CEP68: variants seen among roughly 807,000 people sequenced by gnomAD.
The protein encoded by CEP68 is centrosomal protein of 68 kDa.
Under a neutral mutation model 55.3 loss-of-function variants are expected in CEP68, and 26 were observed. The observed-to-expected ratio is 0.47, with a 90% CI of 0.34 to 0.65. CEP68 has a LOEUF of 0.65. Ranked by LOEUF, CEP68 falls within the 30% of genes least tolerant of loss-of-function variation. CEP68 has a pLI of 0.01. For synonymous variants in CEP68, 402 were observed against 383.2 expected (o/e 1.05, Z -0.57); for missense variants, 957 against 946.7 (o/e 1.01, Z -0.14).
chr2:65,065,828 T>C (rs1470146733), intron 1 of CEP68, among the ~76,000 whole-genome samples: 2 of 151,586 alleles, frequency 1.3e-5, no homozygotes. Context: ...TGGTGGTGAG[T>C]GTCTGTAGTC....
rs561057413 is a variant in CEP68 at position 65,082,691 on chromosome 2, T to A, written c.2260T>A (p.Cys754Ser). 6.3e-7 allele frequency: 1 copy of A among 1,591,866 alleles called. No homozygotes were observed. The highest frequency in any genetic ancestry group is 1.1e-5 in the South Asian group (1 of 87,878). ...KKPMAAMEHP[C>S]EGV ...GCCCATGGCGGCAATGGAGCACCCA[T>A]GTGAAGGGGTTTAACCTGGTAAGTG... is the stretch of plus-strand genomic sequence containing the variant. Residue 754 changes from cysteine (C) to serine (S), a missense_variant, in exon 6 of 7, where the codon TGT (cysteine) becomes AGT (serine). By Grantham distance (112) the Cys-to-Ser change is moderately radical. Transcript: ENST00000377990.
At chr2:65,082,162 G>A (rs10496123) in intron 5 of CEP68, among the ~76,000 whole-genome samples, 32,396 of 152,160 alleles carry the variant, frequency 0.21, 4,089 homozygotes, top group Non-Finnish European at 0.28. Flanking sequence ...TTGGCATGTC[G>A]TTTTATTTAA....
intron 1 of CEP68, among the ~76,000 whole-genome samples, chr2:65,069,144 T>A (rs998178041): frequency 6.6e-6 from 1 of 152,130 alleles, no homozygotes; most frequent in African/African-American, 2.4e-5. Flanking sequence ...GTGTTGACCC[T>A]CTTGGGTTTC....
intron 1 of CEP68, among the ~76,000 whole-genome samples, chr2:65,067,685 C>G (rs1432413381): frequency 1.3e-5 from 2 of 152,090 alleles, no homozygotes; most frequent in Non-Finnish European, 2.9e-5. Context: ...TGCCCTGGCT[C>G]ATTTTGGCAA....
At chr2:65,081,799 G>A (rs1224968641) in intron 5 of CEP68, among the ~76,000 whole-genome samples, 6 of 152,196 alleles carry the variant, frequency 3.9e-5, no homozygotes, top group Non-Finnish European at 8.8e-5. Flanking sequence ...CCGGGTTCAA[G>A]CCATTCTGCC....
chr2:65,071,749 G>A lies in CEP68; in HGVS notation c.653G>A (p.Gly218Asp), dbSNP rs752062299. ...CACCAGGAGAGGGCGGAGCCTCGTG[G>A]TGGTTCTCTGGCCAAGGTCTCCTCC... The part of the protein sequence containing the change: ...QGHQERAEPR[G>D]GSLAKVSSSL... Residue 218 changes from glycine to aspartate, a missense_variant, in exon 3 of 7, where the codon GGT becomes GAT. Physicochemically the swap from Gly to Asp is moderately conservative, Grantham distance 94 (BLOSUM62 -1). Transcript: ENST00000377990. 5.6e-6 allele frequency: 9 copies of A among 1,613,738 alleles called. No homozygotes were observed. Among genetic ancestry groups the A allele is most frequent in the Admixed American group, 1.7e-5 (1 of 60,016 alleles).
intron 4 of CEP68, 66 bp downstream of exon 4, chr2:65,074,470 A>C (rs953902445): frequency 6.2e-7 from 1 of 1,610,272 alleles, no homozygotes; most frequent in African/African-American, 1.3e-5. Context: ...TCGATTACAA[A>C]GTAAAATCTC....
chr2:65,077,930 G>A lies in CEP68; in HGVS notation c.2070G>A (p.Glu690=). The change falls in exon 5 of 7, where the codon GAG becomes GAA. Residue 690 remains glutamate, a synonymous_variant. Coordinates refer to ENST00000377990, the MANE Select transcript of CEP68 (RefSeq NM_015147.3). ...CGGAGAGTGTCTTACAGAAGGGGGA[G>A]ATTCTTCTTCAGTGCCTGTTGGAGA... ...SLTESVLQKG[E]ILLQCLLENT... 3 of 1,613,956 alleles carry A rather than the reference G, an allele frequency of 1.9e-6. No homozygotes were observed. The highest frequency in any genetic ancestry group is 2.5e-6 in the Non-Finnish European group (3 of 1,179,898).
chr2:65,080,612 G>A (rs1357211737), intron 5 of CEP68: 2 of 866,232 alleles, frequency 2.3e-6, no homozygotes, highest in Non-Finnish European at 2.8e-6. Flanking sequence ...GAGGGCAGGA[G>A]TTCAAGACCA....
At position 65,069,638 on chromosome 2, in the gene CEP68, C is replaced by A; in HGVS notation, c.194C>A (p.Thr65Asn). 1 of 1,614,088 alleles carries A rather than the reference C, an allele frequency of 6.2e-7. No homozygotes were observed. Among genetic ancestry groups the A allele is most frequent in the Non-Finnish European group, 8.5e-7 (1 of 1,180,030 alleles). Residue 65 changes from threonine to asparagine, a missense_variant, in exon 2 of 7, where the codon ACT becomes AAT. Transcript: ENST00000377990. ...GGGGCAGAAGGGATACCTGCCCCTA[C>A]TTGCTGGATTGGGACTGACCCTGGC... ...VWGAEGIPAP[T>N]CWIGTDPGGP... is the part of the protein sequence containing the mutation.
chr2:65,064,053 G>GT (rs1443647536), intron 1 of CEP68, among the ~76,000 whole-genome samples: 2 of 152,226 alleles, frequency 1.3e-5, no homozygotes, highest in Non-Finnish European at 2.9e-5. Context: ...GTCTAAGAAA[G>GT]TAACTACCTT....
intron 4 of CEP68, among the ~76,000 whole-genome samples, chr2:65,077,171 T>C (rs1308671580): frequency 2.6e-5 from 4 of 152,048 alleles, no homozygotes; most frequent in African/African-American, 4.8e-5. Context: ...AATTTTTTTG[T>C]ATTTTTAGTA....
rs1268732716 is a variant in CEP68 at position 65,072,633 on chromosome 2, A to T, written c.1537A>T (p.Ile513Phe). ...STLVTLPTGD[I>F]KGQSPLEVSD... ...CTTGGTTACCCTGCCCACTGGGGAT[A>T]TCAAAGGGCAGAGCCCCTTGGAAGT... Residue 513 changes from isoleucine (I) to phenylalanine (F), a missense_variant, in exon 3 of 7, where the codon ATC becomes TTC. Coordinates refer to ENST00000377990, the MANE Select transcript of CEP68 (RefSeq NM_015147.3). 1 of 1,614,128 alleles carries T rather than the reference A, an allele frequency of 6.2e-7. No individual in the cohort carries two copies.
At chr2:65,059,072 GATCC>G (rs1215048564) in intron 1 of CEP68, among the ~76,000 whole-genome samples, 3 of 152,282 alleles carry the variant, frequency 2.0e-5, no homozygotes, top group South Asian at 4.1e-4. Flanking sequence ...TTACCTGGTT[GATCC>G]ATCCAGAAAG....
At chr2:65,073,928 T>G (rs991747970) in intron 3 of CEP68, 3 of 214,764 alleles carry the variant, frequency 1.4e-5, no homozygotes, top group Non-Finnish European at 2.8e-5. Context: ...TTACGTTCAC[T>G]TTTCCAGAGA....
At chr2:65,067,297 T>G (rs919813029) in intron 1 of CEP68, among the ~76,000 whole-genome samples, 2 of 151,976 alleles carry the variant, frequency 1.3e-5, no homozygotes, top group Non-Finnish European at 2.9e-5. Context: ...GGAGAATCGC[T>G]TGAACCCGGG....
At chr2:65,074,067 A>T in intron 3 of CEP68, 1 of 523,984 alleles carries the variant, frequency 1.9e-6, no homozygotes, top group Non-Finnish European at 3.4e-6. Flanking sequence ...GGGTTTTCTC[A>T]GCCTGTCATT....
Position 65,074,344 on chromosome 2 carries a change from C to T in CEP68, c.1947C>T (p.Asp649=). 6.2e-7 allele frequency: 1 copy of T among 1,614,166 alleles called. No homozygotes were observed. Among genetic ancestry groups the T allele is most frequent in the Non-Finnish European group, 8.5e-7 (1 of 1,179,990 alleles). The change falls in exon 4 of 7, where the codon GAC becomes GAT. Residue 649 remains aspartate (D), a synonymous_variant. Transcript: ENST00000377990. ...TGTATAATGTTGCAGATGTTACTGA[C>T]CACGGGACTGCAGCCAGGTCCAATC... ...CWLYNVADVT[D]HGTAARSNLT...
At chr2:65,080,360 C>T (rs1249962049) in intron 5 of CEP68, 35 of 985,144 alleles carry the variant, frequency 3.6e-5, no homozygotes, top group Non-Finnish European at 4.1e-5. Flanking sequence ...CTGTTTCCCC[C>T]TTGAGACGTC....
Sources: gnomAD v4.1 joint callset for allele counts (sites outside exome capture counted in the v4.1 genomes callset) on GRCh38, gnomAD v4.1.1 for gene constraint, MANE v1.5 for transcripts, NCBI Gene and HGNC (gene_info 2026-07-23, HGNC 2026-07-21) for gene names.